NF2: variants seen among roughly 807,000 people sequenced by gnomAD.
NF2 encodes merlin.
NF2 carries 8 observed loss-of-function variants against 83.7 expected under a neutral mutation model. The observed-to-expected ratio is 0.10, with a 90% CI of 0.06 to 0.17. The LOEUF is 0.17. Ranked by LOEUF, NF2 falls within the 10% of genes least tolerant of loss-of-function variation. The probability of loss-of-function intolerance (pLI) is 1.00; values close to 1 mark genes in which losing one functional copy is unlikely to be tolerated. For synonymous variants in NF2, 266 were observed against 269.6 expected (o/e 0.99, Z 0.13); for missense variants, 533 against 744.4 (o/e 0.72, Z 3.31).
intron 1 of NF2, among the ~76,000 whole-genome samples, chr22:29,633,813 G>A (rs1273119942): frequency 6.6e-6 from 1 of 152,182 alleles, no homozygotes; most frequent in Non-Finnish European, 1.5e-5. Context: ...CTCTGACCTA[G>A]GTCTTGCCTG....
At chr22:29,616,959 C>T (rs1483804121) in intron 1 of NF2, among the ~76,000 whole-genome samples, 1 of 151,430 alleles carries the variant, frequency 6.6e-6, no homozygotes, top group African/African-American at 2.4e-5. Context: ...GACGGAGTCT[C>T]GCTCTGTCGC....
chr22:29,641,545 TC>T (rs1415290487), intron 3 of NF2, among the ~76,000 whole-genome samples: 2 of 152,112 alleles, frequency 1.3e-5, no homozygotes, highest in African/African-American at 4.8e-5. Context: ...TATTTCAGTG[TC>T]CCCCTGCCAC....
intron 6 of NF2, 88 bp from the exon 7 acceptor site, chr22:29,658,101 G>T: frequency 1.7e-6 from 2 of 1,207,380 alleles, no homozygotes; most frequent in Admixed American, 1.8e-5. Flanking sequence ...TAGAGGAATG[G>T]CAGGGTCAGA....
rs1466262692 is a variant in NF2 at position 29,655,514 on chromosome 22, G to T, written c.517-80G>T. Reference sequence around the variant, plus strand: ...AATAGCTTTACTGTTTTGTAAAAATGATGCATAATTATAAAAGTGGCAAAC... The same window carrying T: ...AATAGCTTTACTGTTTTGTAAAAATTATGCATAATTATAAAAGTGGCAAAC... On this transcript the variant is annotated intron_variant, in intron 5 of 15. Transcript: ENST00000338641. The T allele has an allele frequency of 9.0e-6, 9 of 996,420 alleles. No homozygotes were observed. In the African/African-American group the frequency reaches 1.3e-4, roughly 14 times the overall value. 61.7% of individuals were successfully genotyped at this position (996,420 alleles called of 1,614,324 possible). A position where few individuals can be genotyped will look rare whatever the true frequency, so the allele number is the denominator to read the frequency against.
chr22:29,672,453 A>G (rs1312631137), intron 11 of NF2, among the ~76,000 whole-genome samples: 1 of 151,890 alleles, frequency 6.6e-6, no homozygotes, highest in Non-Finnish European at 1.5e-5. Flanking sequence ...AGCTGGGATT[A>G]CAGGCATGCA....
intron 8 of NF2, 118 bp downstream of exon 8, chr22:29,661,457 G>T: frequency 1.4e-6 from 2 of 1,437,856 alleles, no homozygotes; most frequent in Non-Finnish European, 1.9e-6. Flanking sequence ...TAATTCCCAG[G>T]CTTTGAGGGT....
chr22:29,681,662 T>C, intron 15 of NF2, 61 bp downstream of exon 15: 2 of 1,605,566 alleles, frequency 1.2e-6, no homozygotes, highest in Admixed American at 3.3e-5. Context: ...AAATGTGCGG[T>C]TGGCATCTGG....
chr22:29,679,835 C>A lies in NF2; in HGVS notation c.1574+1512C>A, dbSNP rs576198555. On this transcript the variant is annotated intron_variant, in intron 14 of 15. Transcript: ENST00000338641. ...GAGCCCAGATTGCACCACTGCACTC[C>A]AGCCTGGGCAACAGAGAGACACCCT... Among the ~76,000 whole-genome samples, 216 of 149,608 alleles carry A rather than the reference C, an allele frequency of 1.4e-3. 1 individual carries two copies. Among genetic ancestry groups the A allele is most frequent in the African/African-American group, 5.2e-3 (211 of 40,622 alleles).
At chr22:29,654,819 T>C (rs2066252384) in intron 5 of NF2, 94 bp downstream of exon 5, 2 of 912,856 alleles carry the variant, frequency 2.2e-6, no homozygotes, top group Non-Finnish European at 1.8e-6. Context: ...TGGAAGTACA[T>C]AGCAATTTAA....
chr22:29,613,852 T>G (rs563686309), intron 1 of NF2, among the ~76,000 whole-genome samples: 1 of 151,472 alleles, frequency 6.6e-6, no homozygotes, highest in South Asian at 2.1e-4. Flanking sequence ...CTCCGCCTCC[T>G]GGGTTCAAGT....
intron 1 of NF2, among the ~76,000 whole-genome samples, chr22:29,633,900 A>G (rs896240676): frequency 2.0e-5 from 3 of 152,220 alleles, no homozygotes; most frequent in Non-Finnish European, 4.4e-5. Context: ...GGTGTGCTCT[A>G]TAATCCTTGT....
chr22:29,629,724 T>G (rs141542209), intron 1 of NF2, among the ~76,000 whole-genome samples: 35 of 152,336 alleles, frequency 2.3e-4, no homozygotes, highest in African/African-American at 7.7e-4. Flanking sequence ...AACTGATAAG[T>G]GAATGCTGAG....
chr22:29,636,610 A>T lies in NF2; in HGVS notation c.115-141A>T. The T allele has an allele frequency of 8.9e-7, 1 of 1,118,762 alleles. No individual in the cohort carries two copies. The highest frequency in any genetic ancestry group is 1.3e-6 in the Non-Finnish European group (1 of 744,726). 69.3% of individuals were successfully genotyped at this position (1,118,762 alleles called of 1,614,324 possible). On this transcript the variant is annotated intron_variant, in intron 1 of 15. Coordinates refer to ENST00000338641, the MANE Select transcript of NF2 (RefSeq NM_000268.4). The surrounding 1 kb of genome is among the most constrained non-coding windows in gnomAD (Gnocchi z 4.4). Reference sequence around the variant, plus strand: ...TCATGGGTTTGTAAAGGAAGCTTTAAAATTATTTAGGAATTCAGTCCTCAT... The same window carrying T: ...TCATGGGTTTGTAAAGGAAGCTTTATAATTATTTAGGAATTCAGTCCTCAT...
chr22:29,630,294 G>A (rs575101981), intron 1 of NF2, among the ~76,000 whole-genome samples: 1 of 152,242 alleles, frequency 6.6e-6, no homozygotes, highest in East Asian at 1.9e-4. Flanking sequence ...TGGAACATAA[G>A]TGCTTAGTGC....
At chr22:29,626,625 T>A (rs1001410789) in intron 1 of NF2, among the ~76,000 whole-genome samples, 2 of 152,222 alleles carry the variant, frequency 1.3e-5, no homozygotes, top group African/African-American at 4.8e-5. Flanking sequence ...TAGAAGCTAG[T>A]TCACATGAAT....
In NF2 at chr22:29,696,915, C is replaced by T. The variant is rs537244098; in HGVS notation, c.*2113C>T. The T allele has an allele frequency of 4.5e-5, 8 of 179,656 alleles. No individual in the cohort carries two copies. In the East Asian group the frequency reaches 7.4e-4, roughly 17 times the overall value. The allele number at this position is 179,656 out of a possible 1,614,324, so 11.1% of individuals were successfully genotyped here. On this transcript the variant is annotated 3_prime_UTR_variant, in exon 16 of 16. Coordinates refer to ENST00000338641, the MANE Select transcript of NF2 (RefSeq NM_000268.4). Reference sequence around the variant, plus strand: ...CACTGCAACCTCCGCCTCCCAGGTACAAGAGATTCTCCTGCCTCAGCCTCC... The same window carrying T: ...CACTGCAACCTCCGCCTCCCAGGTATAAGAGATTCTCCTGCCTCAGCCTCC...
chr22:29,643,435 C>CGGACTTCCG (rs2065870438), intron 4 of NF2, among the ~76,000 whole-genome samples: 1 of 152,118 alleles, frequency 6.6e-6, no homozygotes, highest in Non-Finnish European at 1.5e-5. Flanking sequence ...GAGGACCCTG[C>CGGACTTCCG]GGACTTCCGC....
intron 1 of NF2, among the ~76,000 whole-genome samples, chr22:29,604,932 A>T (rs553363953): frequency 6.6e-6 from 1 of 152,318 alleles, no homozygotes; most frequent in Admixed American, 6.5e-5. Flanking sequence ...AGCTTCCAGC[A>T]TGACAGCTTA....
intron 14 of NF2, among the ~76,000 whole-genome samples, chr22:29,681,219 C>T (rs1488572242): frequency 1.3e-5 from 2 of 152,058 alleles, no homozygotes; most frequent in Non-Finnish European, 2.9e-5. Context: ...ATCCTAACCA[C>T]GGCCCTGTGA....
Sources: gnomAD v4.1 joint callset for allele counts (sites outside exome capture counted in the v4.1 genomes callset) on GRCh38, gnomAD v4.1.1 for gene constraint, Gnocchi (gnomAD v3.1) non-coding constraint, MANE v1.5 for transcripts, NCBI Gene and HGNC (gene_info 2026-07-23, HGNC 2026-07-21) for gene names.